EQTN: variants seen among roughly 807,000 people sequenced by gnomAD.
The protein encoded by EQTN is equatorin.
A neutral mutation model predicts 26.9 loss-of-function variants in EQTN; 29 were observed. That is an observed-to-expected ratio of 1.08 (90% CI 0.80 to 1.47). The LOEUF (loss-of-function observed/expected upper bound fraction) is 1.47, where lower values mean the gene tolerates loss of function less well. Ranked by LOEUF, EQTN falls within the 40% of genes most tolerant of loss-of-function variation. The probability of loss-of-function intolerance (pLI) is 0.00; values close to 1 mark genes in which losing one functional copy is unlikely to be tolerated. For synonymous variants in EQTN, 129 were observed against 120.0 expected (o/e 1.07, Z -0.49); for missense variants, 391 against 346.1 (o/e 1.13, Z -1.03).
chr9:27,294,299 T>A lies in EQTN; in HGVS notation c.289+17A>T. ...TTAATGGCTTTTACATGTGCAATGG[T>A]GCCTTTCACTTCTTACCGTTTTTTA... On this transcript the variant is annotated intron_variant, in intron 3 of 7. Coordinates refer to ENST00000380032, the MANE Select transcript of EQTN (RefSeq NM_020641.3). 3.2e-6 allele frequency: 5 copies of A among 1,584,796 alleles called. No homozygotes were observed. The highest frequency in any genetic ancestry group is 4.3e-6 in the Non-Finnish European group (5 of 1,155,968).
In EQTN at chr9:27,291,002, T is replaced by C. The variant is rs529387509; in HGVS notation, c.421+17A>G. 56 of 1,609,918 alleles carry C rather than the reference T, an allele frequency of 3.5e-5. No homozygotes were observed. The South Asian group carries it at 5.2e-4, about 15-fold the overall frequency. ...AAACCAAAATGTTTCCCAAGCTACC[T>C]AGCTGTATGACTTTACCTTTAGCTA... On this transcript the variant is annotated intron_variant, in intron 5 of 7. Transcript: ENST00000380032.
At chr9:27,292,158 A>G (rs1820249983) in intron 4 of EQTN, 1 of 255,058 alleles carries the variant, frequency 3.9e-6, no homozygotes, top group South Asian at 1.7e-4. Context: ...CAAATGTAAC[A>G]CATTTTTATT....
At chr9:27,289,353 A>T (rs1178446202) in intron 6 of EQTN, among the ~76,000 whole-genome samples, 2 of 152,192 alleles carry the variant, frequency 1.3e-5, no homozygotes, top group African/African-American at 4.8e-5. Context: ...CACCTTTCAT[A>T]CGCCAGACTT....
chr9:27,291,247 G>C (rs1013786566), intron 4 of EQTN, among the ~76,000 whole-genome samples, 184 bp from the exon 5 acceptor site: 1 of 152,180 alleles, frequency 6.6e-6, no homozygotes, highest in Non-Finnish European at 1.5e-5. Flanking sequence ...TTACAGTCAA[G>C]GAACCCACCT....
intron 3 of EQTN, among the ~76,000 whole-genome samples, chr9:27,293,140 C>T (rs1169263295): frequency 6.6e-6 from 1 of 152,066 alleles, no homozygotes; most frequent in South Asian, 2.1e-4. Flanking sequence ...TACAGGGCAC[C>T]CTCTATAGGA....
At chr9:27,289,628 G>A (rs893823672) in intron 6 of EQTN, 44 bp downstream of exon 6, 1 of 1,522,792 alleles carries the variant, frequency 6.6e-7, no homozygotes, top group Non-Finnish European at 9.0e-7. Flanking sequence ...GGGATTATAG[G>A]CATTAGCCAC....
chr9:27,295,723 TCA>T (rs1820322536), intron 2 of EQTN, among the ~76,000 whole-genome samples: 1 of 149,362 alleles, frequency 6.7e-6, no homozygotes, highest in African/African-American at 2.5e-5. Context: ...TCCCAGCTAC[TCA>T]GGAGGCTGAG....
At chr9:27,296,555 A>T (rs1244905834) in intron 2 of EQTN, 58 bp downstream of exon 2, 1 of 1,230,614 alleles carries the variant, frequency 8.1e-7, no homozygotes, top group East Asian at 2.5e-5. Context: ...AGGACACTTA[A>T]GTGAAACCAG....
At position 27,296,671 on chromosome 9, in the gene EQTN, A is replaced by T. The variant is rs772911450; in HGVS notation, c.144T>A (p.Thr48=). The change falls in exon 2 of 8, where the codon ACT becomes ACA. Residue 48 remains threonine, a synonymous_variant. Coordinates refer to ENST00000380032, the MANE Select transcript of EQTN (RefSeq NM_020641.3). ...NKQEEKNEDH[T]PNYAPANEKN... ...TCTCATTAGCAGGAGCATAATTGGG[A>T]GTATGATCTTCATTCTTTTCTTCCT... 2 of 1,599,850 alleles carry T rather than the reference A, an allele frequency of 1.3e-6. No homozygotes were observed. Among genetic ancestry groups the T allele is most frequent in the South Asian group, 2.2e-5 (2 of 90,030 alleles).
chr9:27,292,606 A>C, intron 3 of EQTN, 119 bp from the exon 4 acceptor site: 1 of 561,252 alleles, frequency 1.8e-6, no homozygotes, highest in Admixed American at 3.1e-5. Context: ...AGAGAGAAGA[A>C]ACGGAAGAGA....
In EQTN at chr9:27,287,849, T is replaced by C. The variant is rs144743425; in HGVS notation, c.482-1487A>G. On this transcript the variant is annotated intron_variant, in intron 6 of 7. Coordinates refer to ENST00000380032, the MANE Select transcript of EQTN (RefSeq NM_020641.3). ...TCTTGCTCTGTCACCCAGGCTAGAG[T>C]GCAGTGTGCAGTGGCACAATCTTAG... 6.7e-3 allele frequency among the ~76,000 whole-genome samples: 1,018 copies of C among 152,276 alleles called. 11 individuals are homozygous for C. The highest frequency in any genetic ancestry group is 0.024 in the African/African-American group (988 of 41,556).
At chr9:27,288,959 A>C (rs1820173242) in intron 6 of EQTN, among the ~76,000 whole-genome samples, 1 of 152,188 alleles carries the variant, frequency 6.6e-6, no homozygotes, top group Non-Finnish European at 1.5e-5. Context: ...GCATTTGTCA[A>C]AACCCAAAGA....
intron 3 of EQTN, 51 bp from the exon 4 acceptor site, chr9:27,292,538 T>A (rs779469318): frequency 4.8e-6 from 5 of 1,051,368 alleles, no homozygotes; most frequent in Non-Finnish European, 7.1e-6. Context: ...TGACGAAACA[T>A]CTGAGAATAG....
At chr9:27,289,128 AT>A (rs1684036074) in intron 6 of EQTN, among the ~76,000 whole-genome samples, 1 of 152,284 alleles carries the variant, frequency 6.6e-6, no homozygotes, top group East Asian at 1.9e-4. Flanking sequence ...GTTCTGCCAA[AT>A]TTTTCTTTAA....
Position 27,296,738 on chromosome 9 carries a change from G to A in EQTN, c.77C>T (p.Ala26Val), listed in dbSNP as rs1219116992. 1 of 1,600,564 alleles carries A rather than the reference G, an allele frequency of 6.2e-7. No homozygotes were observed. Among genetic ancestry groups the A allele is most frequent in the Admixed American group, 1.8e-5 (1 of 55,548 alleles). ...KSSTLKPTIE[A>V]LPNVLPLNED... ...ATTTAAAGGTAGCACATTAGGCAATGCTAAAAAAAAGTATCACACACCATA... is the reference window on the plus strand; with the variant it reads ...ATTTAAAGGTAGCACATTAGGCAATACTAAAAAAAAGTATCACACACCATA... Residue 26 changes from alanine (A) to valine (V), a missense_variant and splice_region_variant, in exon 2 of 8, where the codon GCA becomes GTA. Transcript: ENST00000380032.
intron 6 of EQTN, 137 bp from the exon 7 acceptor site, chr9:27,286,499 G>C: frequency 5.0e-6 from 4 of 797,236 alleles, no homozygotes; most frequent in Non-Finnish European, 5.9e-6. Flanking sequence ...CATCCCGCAG[G>C]CAATGCAAAG....
At chr9:27,290,890 G>C (rs560714754) in intron 5 of EQTN, 129 bp downstream of exon 5, 4 of 608,012 alleles carry the variant, frequency 6.6e-6, no homozygotes, top group Middle Eastern at 4.2e-4. Context: ...TTTGAAGTTT[G>C]CTATTACATG....
intron 6 of EQTN, among the ~76,000 whole-genome samples, chr9:27,286,891 A>G (rs1820135838): frequency 6.6e-6 from 1 of 152,226 alleles, no homozygotes; most frequent in Non-Finnish European, 1.5e-5. Flanking sequence ...TAGTTTTGCC[A>G]TTTTATTACT....
chr9:27,291,193 C>A, intron 4 of EQTN, 130 bp from the exon 5 acceptor site: 1 of 725,420 alleles, frequency 1.4e-6, no homozygotes, highest in Non-Finnish European at 2.1e-6. Context: ...ATGTGTCAGA[C>A]CTGTGGTTGG....
Sources: gnomAD v4.1 joint callset for allele counts (sites outside exome capture counted in the v4.1 genomes callset) on GRCh38, gnomAD v4.1.1 for gene constraint, MANE v1.5 for transcripts, NCBI Gene and HGNC (gene_info 2026-07-23, HGNC 2026-07-21) for gene names.